RBFOX1: variants seen among roughly 807,000 people sequenced by gnomAD.
RBFOX1 encodes RNA binding protein fox-1 homolog 1.
RBFOX1 carries 8 observed loss-of-function variants against 57.7 expected under a neutral mutation model. The ratio of observed to expected loss-of-function variants is 0.14; its 90% CI spans 0.08 to 0.25. The LOEUF is 0.25. RBFOX1 is among the 10% of genes least tolerant of loss of function. The probability of loss-of-function intolerance (pLI) is 1.00; values close to 1 mark genes in which losing one functional copy is unlikely to be tolerated. For synonymous variants in RBFOX1, 326 were observed against 222.4 expected, an observed-to-expected ratio of 1.47 and a Z score of -4.15; for missense variants, 611 against 548.5, an observed-to-expected ratio of 1.11 and a Z score of -1.14.
intron 3 of RBFOX1, among the ~76,000 whole-genome samples, chr16:7,012,855 C>G (rs921092643): frequency 2.0e-5 from 3 of 152,074 alleles, no homozygotes; most frequent in Non-Finnish European, 4.4e-5. Flanking sequence ...GTGGCTTGAA[C>G]AAGAGCTATT....
At chr16:5,566,513 A>G (rs898907375) in intron 2 of RBFOX1, among the ~76,000 whole-genome samples, 1 of 151,920 alleles carries the variant, frequency 6.6e-6, no homozygotes, top group Non-Finnish European at 1.5e-5. Context: ...GTTTCGTGAT[A>G]TTGGCTGATT....
Position 5,490,401 on chromosome 16 carries a change from C to T in RBFOX1, c.258+23147C>T, listed in dbSNP as rs116282520. ...GGGGCACCTGGAACCAGGACTTGAA[C>T]CCAGGTTCCTCCTATTCATAGCTGC... On this transcript the variant is annotated intron_variant, in intron 2 of 2. Coordinates refer to the RBFOX1 transcript ENST00000585867. Among the ~76,000 whole-genome samples the T allele has an allele frequency of 1.9e-3, 286 of 152,338 alleles. 2 individuals are homozygous for T. The highest frequency in any genetic ancestry group is 6.7e-3 in the African/African-American group (278 of 41,574).
chr16:5,616,636 C>T (rs1486286129), intron 3 of RBFOX1, among the ~76,000 whole-genome samples: 2 of 147,342 alleles, frequency 1.4e-5, no homozygotes, highest in African/African-American at 5.0e-5. Flanking sequence ...CCCTCCTCCT[C>T]CTCACCCCTC....
At chr16:6,223,336 A>G (rs1190179729) in intron 1 of RBFOX1, among the ~76,000 whole-genome samples, 3 of 149,514 alleles carry the variant, frequency 2.0e-5, no homozygotes, top group South Asian at 2.2e-4. Context: ...AAGTGTTCCT[A>G]TTTCTCCACA....
rs1438448221 is a variant in RBFOX1 at position 5,429,289 on chromosome 16, G to A, written c.220-37927G>A. On this transcript the variant is annotated intron_variant, in intron 1 of 2. Transcript: ENST00000585867. ...AGCTCTCTGGGACTGCTGGCCCTCTGAGAGTCCAGGCCTTTGCGGTTTGGG... is the reference window on the plus strand; with the variant it reads ...AGCTCTCTGGGACTGCTGGCCCTCTAAGAGTCCAGGCCTTTGCGGTTTGGG... 3.9e-5 allele frequency among the ~76,000 whole-genome samples: 6 copies of A among 152,232 alleles called. No individual in the cohort carries two copies. In the East Asian group the frequency reaches 1.2e-3, roughly 29 times the overall value.
chr16:6,518,979 A>G (rs752736114), intron 2 of RBFOX1, among the ~76,000 whole-genome samples: 1 of 151,990 alleles, frequency 6.6e-6, no homozygotes, highest in Non-Finnish European at 1.5e-5. Context: ...GGGGCCAGAA[A>G]ATAAAGGGGG....
chr16:6,240,949 G>C (rs994314777), intron 1 of RBFOX1, among the ~76,000 whole-genome samples: 2 of 151,982 alleles, frequency 1.3e-5, no homozygotes, highest in African/African-American at 2.4e-5. Context: ...TGTTTCTACC[G>C]ACTCACCCTG....
intron 1 of RBFOX1, among the ~76,000 whole-genome samples, chr16:5,333,493 C>T (rs1172238031): frequency 1.3e-5 from 2 of 152,168 alleles, no homozygotes; most frequent in African/African-American, 4.8e-5. Flanking sequence ...AATGAAAAAG[C>T]TGCTCCTCAC....
intron 2 of RBFOX1, among the ~76,000 whole-genome samples, chr16:5,565,643 A>AATAG: frequency 6.6e-6 from 1 of 150,552 alleles, no homozygotes; most frequent in African/African-American, 2.5e-5. Flanking sequence ...TAAATAAATA[A>AATAG]ATAAATAAAT....
chr16:7,655,561 G>T (rs2066105703), intron 12 of RBFOX1, among the ~76,000 whole-genome samples: 1 of 152,138 alleles, frequency 6.6e-6, no homozygotes, highest in Admixed American at 6.5e-5. Context: ...CCCATTTTAT[G>T]GATCCAGAAA....
At chr16:6,595,041 C>T (rs1012116545) in intron 2 of RBFOX1, among the ~76,000 whole-genome samples, 1 of 152,178 alleles carries the variant, frequency 6.6e-6, no homozygotes, top group Admixed American at 6.5e-5. Flanking sequence ...CCCGCCTCTG[C>T]CTCCCAAAGT....
chr16:5,779,354 T>C (rs1327469793), intron 3 of RBFOX1, among the ~76,000 whole-genome samples: 2 of 152,330 alleles, frequency 1.3e-5, no homozygotes, highest in East Asian at 3.9e-4. Context: ...CTCCTGCATT[T>C]TGAACCTAGC....
chr16:6,519,548 A>G (rs2096459566), intron 2 of RBFOX1, among the ~76,000 whole-genome samples: 4 of 152,060 alleles, frequency 2.6e-5, no homozygotes, highest in South Asian at 2.1e-4. Flanking sequence ...TAAAAATACA[A>G]AAATTAGCCA....
chr16:6,212,768 G>A (rs192858283), intron 1 of RBFOX1, among the ~76,000 whole-genome samples: 8 of 151,978 alleles, frequency 5.3e-5, no homozygotes, highest in South Asian at 2.1e-4. Context: ...AGTAATCTGC[G>A]TTTTTATAAT....
chr16:6,348,539 A>G (rs143796848), intron 2 of RBFOX1, among the ~76,000 whole-genome samples: 1 of 152,292 alleles, frequency 6.6e-6, no homozygotes, highest in Non-Finnish European at 1.5e-5. Flanking sequence ...TTATAAAGAA[A>G]TGAGCATTAA....
At chr16:7,421,240 A>AGAC (rs1555886529) in intron 4 of RBFOX1, among the ~76,000 whole-genome samples, 1 of 151,878 alleles carries the variant, frequency 6.6e-6, no homozygotes, top group African/African-American at 2.4e-5. Flanking sequence ...AGACAAAGAG[A>AGAC]GAGAGAACAA....
chr16:5,388,648 C>G (rs1292997683), intron 1 of RBFOX1, among the ~76,000 whole-genome samples: 2 of 152,162 alleles, frequency 1.3e-5, no homozygotes, highest in East Asian at 3.9e-4. Flanking sequence ...ATGATCTCAG[C>G]TCACTGCAAC....
In RBFOX1 at chr16:7,046,968, T is replaced by TC. The variant is rs1055241173; in HGVS notation, c.-15-5082dup. ...TTAAAAAGCTCTTCATGCACTTCCCTCCCCCCCAGTTTTTTGCTTTAAGCC... is the reference window on the plus strand; with the variant it reads ...TTAAAAAGCTCTTCATGCACTTCCCTCCCCCCCCAGTTTTTTGCTTTAAGCC... On this transcript the variant is annotated intron_variant, in intron 3 of 15. Coordinates refer to ENST00000550418, the MANE Select transcript of RBFOX1 (RefSeq NM_018723.4). Among the ~76,000 whole-genome samples, 12 of 149,888 alleles carry TC rather than the reference T, an allele frequency of 8.0e-5. 1 individual carries two copies. The highest frequency in any genetic ancestry group is 3.9e-4 in the East Asian group (2 of 5,094).
chr16:5,558,670 G>C (rs73524734), intron 2 of RBFOX1, among the ~76,000 whole-genome samples: 3,883 of 152,222 alleles, frequency 0.026, 155 homozygotes, highest in African/African-American at 0.086. Flanking sequence ...CTCTGTTCCT[G>C]CCATCGTCTC....
Sources: allele counts gnomAD v4.1 joint callset (sites outside exome capture counted in the v4.1 genomes callset), GRCh38; gene constraint gnomAD v4.1.1; transcripts MANE v1.5; gene names NCBI Gene and HGNC (gene_info 2026-07-23, HGNC 2026-07-21).